TRPC3: variants seen among roughly 807,000 people sequenced by gnomAD.
The protein encoded by TRPC3 is short transient receptor potential channel 3.
TRPC3 carries 54 observed loss-of-function variants against 90.9 expected under a neutral mutation model. The ratio of observed to expected loss-of-function variants is 0.59; its 90% confidence interval spans 0.48 to 0.75. The LOEUF (loss-of-function observed/expected upper bound fraction) is 0.75, where lower values mean the gene tolerates loss of function less well. TRPC3 is among the 30% of genes least tolerant of loss of function. The pLI, the probability that TRPC3 is intolerant of heterozygous loss-of-function variation, is 0.00. For missense variants in TRPC3, 918 were observed against 1,194.5 expected (o/e 0.77, Z 3.41); for synonymous variants, 424 against 450.9 (o/e 0.94, Z 0.75).
At chr4:121,886,149 T>A (rs1386462589) in intron 10 of TRPC3, among the ~76,000 whole-genome samples, 1 of 152,186 alleles carries the variant, frequency 6.6e-6, no homozygotes, top group Admixed American at 6.6e-5. Flanking sequence ...TGGTTAGATA[T>A]CTTCCTTCCT....
Position 121,882,432 on chromosome 4 carries a change from G to C in TRPC3, c.2548-3C>G, listed in dbSNP as rs768167735. Reference sequence around the variant, plus strand: ...TTTATAAGTCTTTTCATTATCTGCTGTTGGGCAAAAGTAAATGATTAGATC... The same window carrying C: ...TTTATAAGTCTTTTCATTATCTGCTCTTGGGCAAAAGTAAATGATTAGATC... On this transcript the variant is annotated splice_region_variant and splice_polypyrimidine_tract_variant and intron_variant, in intron 10 of 11. Coordinates refer to ENST00000379645, the MANE Select transcript of TRPC3 (RefSeq NM_001130698.2). 6.2e-7 allele frequency: 1 copy of C among 1,608,370 alleles called. No homozygotes were observed. Among genetic ancestry groups the C allele is most frequent in the Non-Finnish European group, 8.5e-7 (1 of 1,177,826 alleles).
chr4:121,885,531 T>A lies in TRPC3; in HGVS notation c.2548-3102A>T, dbSNP rs546531877. Among the ~76,000 whole-genome samples, 19 of 152,280 alleles carry A rather than the reference T, an allele frequency of 1.2e-4. No individual in the cohort carries two copies. The East Asian group carries it at 3.5e-3, about 28-fold the overall frequency. ...TGTGTAATGGAAATGCTAGACAGTG[T>A]CTTGTAAAAGAGACAATACATGTAA... On this transcript the variant is annotated intron_variant, in intron 10 of 11. Coordinates refer to ENST00000379645, the MANE Select transcript of TRPC3 (RefSeq NM_001130698.2).
chr4:121,941,577 C>T (rs569745187), intron 1 of TRPC3, among the ~76,000 whole-genome samples: 1 of 151,486 alleles, frequency 6.6e-6, no homozygotes, highest in Non-Finnish European at 1.5e-5. Context: ...TGGGAAGCAG[C>T]AGGTACTGAC....
chr4:121,907,560 ATC>A lies in TRPC3; in HGVS notation c.1798_1799del (p.Asp600Ter). The A allele has an allele frequency of 6.3e-7, 1 of 1,595,044 alleles. No homozygotes were observed. The highest frequency in any genetic ancestry group is 8.5e-7 in the Non-Finnish European group (1 of 1,173,042). ...PEIQYFTYARDKWLPSDPQII... is the reference protein window; with the variant it reads ...PEIQYFTYARXKWLPSDPQII... Reference sequence around the variant, plus strand: ...TCTGAGGGTCAGAAGGGAGCCATTTATCTCTAGCTAGAAAAAAGAGAGAAAGA... The same window carrying A: ...TCTGAGGGTCAGAAGGGAGCCATTTATCTAGCTAGAAAAAAGAGAGAAAGA... On this transcript the variant is annotated frameshift_variant, in exon 7 of 12. Transcript: ENST00000379645. LOFTEE classifies it high-confidence loss of function.
Position 121,903,030 on chromosome 4 carries a change from C to T in TRPC3, c.2285G>A (p.Arg762His), listed in dbSNP as rs142339351. The T allele has an allele frequency of 1.1e-5, 18 of 1,612,514 alleles. No homozygotes were observed. The highest frequency in any genetic ancestry group is 4.5e-5 in the East Asian group (2 of 44,742). Residue 762 changes from arginine to histidine, a missense_variant, in exon 9 of 12, where the codon CGT (arginine) becomes CAT (histidine). Arg to His is a conservative substitution (Grantham distance 29, BLOSUM62 0). Coordinates refer to ENST00000379645, the MANE Select transcript of TRPC3 (RefSeq NM_001130698.2). ...DDSDVEWKFARSKLWLSYFDD... is the reference protein window; with the variant it reads ...DDSDVEWKFAHSKLWLSYFDD... ...AAAATAGGATAACCAAAGTTTTGAA[C>T]GAGCAAACTTCCATTCTACATCACT...
chr4:121,917,327 G>A (rs887596117), intron 3 of TRPC3, among the ~76,000 whole-genome samples: 2 of 152,114 alleles, frequency 1.3e-5, no homozygotes, highest in African/African-American at 4.8e-5. Flanking sequence ...TAGGATTCTT[G>A]TTGAGAACTT....
chr4:121,937,063 A>G (rs1447177310), intron 1 of TRPC3, among the ~76,000 whole-genome samples: 1 of 152,158 alleles, frequency 6.6e-6, no homozygotes, highest in East Asian at 1.9e-4. Flanking sequence ...AAATACAAGT[A>G]ACACTCCTCA....
In TRPC3 at chr4:121,884,465, AC is replaced by A. The variant is rs558914454; in HGVS notation, c.2548-2037del. Reference sequence around the variant, plus strand: ...TATGCTTCATAATTTATTTTGCATTACACATATTCTTAAGCATGTAACAAAT... The same window carrying A: ...TATGCTTCATAATTTATTTTGCATTAACATATTCTTAAGCATGTAACAAAT... On this transcript the variant is annotated intron_variant, in intron 10 of 11. Transcript: ENST00000379645. 5.2e-3 allele frequency among the ~76,000 whole-genome samples: 797 copies of A among 152,284 alleles called. 10 individuals are homozygous for A. Among genetic ancestry groups the A allele is most frequent in the African/African-American group, 0.018 (754 of 41,548 alleles).
chr4:121,925,883 G>A (rs1438837563), intron 2 of TRPC3, among the ~76,000 whole-genome samples: 1 of 152,062 alleles, frequency 6.6e-6, no homozygotes, highest in African/African-American at 2.4e-5. Context: ...AAAGACCAAA[G>A]GATCAAAGAG....
chr4:121,905,871 G>T (rs1236196971), intron 7 of TRPC3, among the ~76,000 whole-genome samples: 1 of 152,072 alleles, frequency 6.6e-6, no homozygotes, highest in Non-Finnish European at 1.5e-5. Context: ...ATTTGGCTGT[G>T]TGATATCATG....
At chr4:121,892,843 G>A (rs192125292) in intron 10 of TRPC3, among the ~76,000 whole-genome samples, 1 of 152,150 alleles carries the variant, frequency 6.6e-6, no homozygotes, top group Non-Finnish European at 1.5e-5. Context: ...GAAGAGGTTG[G>A]GTGCTGGTGG....
chr4:121,898,470 G>C (rs1168388381), intron 10 of TRPC3, among the ~76,000 whole-genome samples: 1 of 152,144 alleles, frequency 6.6e-6, no homozygotes, highest in African/African-American at 2.4e-5. Flanking sequence ...AGAATCTAAT[G>C]CCTGAAGAGC....
intron 2 of TRPC3, among the ~76,000 whole-genome samples, chr4:121,928,171 A>T (rs1729781766): frequency 6.6e-6 from 1 of 151,954 alleles, no homozygotes; most frequent in Non-Finnish European, 1.5e-5. Context: ...ATTACCTATA[A>T]AATTATAGTC....
At chr4:121,886,653 G>T (rs1227259989) in intron 10 of TRPC3, among the ~76,000 whole-genome samples, 1 of 152,076 alleles carries the variant, frequency 6.6e-6, no homozygotes, top group Non-Finnish European at 1.5e-5. Context: ...GAATAAATTT[G>T]TTTTTTATTC....
In TRPC3 at chr4:121,951,547, C is replaced by A. The variant is rs1202510129; in HGVS notation, c.134G>T (p.Gly45Val). The A allele has an allele frequency of 3.5e-6, 5 of 1,425,320 alleles. No individual in the cohort carries two copies. Among genetic ancestry groups the A allele is most frequent in the Non-Finnish European group, 4.6e-6 (5 of 1,086,816 alleles). 88.3% of individuals were successfully genotyped at this position (1,425,320 alleles called of 1,614,324 possible). The stretch of plus-strand genomic sequence containing the variant: ...GGGCGCCGAGCGCGGCTCCAGCCCC[C>A]CGTTGACGCCCCTCCAGCCCCGGCG... ...RRRRGWRGVNGGLEPRSAPSQ... is the reference protein window; with the variant it reads ...RRRRGWRGVNVGLEPRSAPSQ... The change falls in exon 1 of 12, where the codon GGG becomes GTG. Residue 45 changes from glycine to valine, a missense_variant. Transcript: ENST00000379645. The surrounding 1 kb of genome is among the most constrained non-coding windows in gnomAD (Gnocchi z 4.4).
At chr4:121,928,218 A>G (rs1729783548) in intron 2 of TRPC3, among the ~76,000 whole-genome samples, 1 of 152,210 alleles carries the variant, frequency 6.6e-6, no homozygotes, top group East Asian at 1.9e-4. Flanking sequence ...CTTTTTTCAC[A>G]TCCACTGAAA....
chr4:121,931,417 A>G (rs1272582255), intron 2 of TRPC3, among the ~76,000 whole-genome samples: 1 of 152,342 alleles, frequency 6.6e-6, no homozygotes, highest in South Asian at 2.1e-4. Context: ...ACCCAGATTT[A>G]GTAGCTAGAA....
At chr4:121,880,324 C>T (rs1727897043) in intron 11 of TRPC3, among the ~76,000 whole-genome samples, 1 of 152,022 alleles carries the variant, frequency 6.6e-6, no homozygotes, top group Non-Finnish European at 1.5e-5. Context: ...ATCTATCTGA[C>T]AGGCAAATAA....
intron 1 of TRPC3, among the ~76,000 whole-genome samples, chr4:121,947,947 C>A (rs1184963538): frequency 6.6e-6 from 1 of 152,104 alleles, no homozygotes. Context: ...GAAGAGTGTG[C>A]ATCGATGTTA....
Sources: gnomAD v4.1 joint callset for allele counts (sites outside exome capture counted in the v4.1 genomes callset) on GRCh38, gnomAD v4.1.1 for gene constraint, Gnocchi (gnomAD v3.1) non-coding constraint, MANE v1.5 for transcripts, NCBI Gene and HGNC (gene_info 2026-07-23, HGNC 2026-07-21) for gene names.